TXLNB: variants seen among roughly 807,000 people sequenced by gnomAD.
TXLNB encodes taxilin beta.
TXLNB carries 37 observed loss-of-function variants against 57.4 expected under a neutral mutation model. That is an observed-to-expected ratio of 0.64 (90% CI 0.50 to 0.85). The LOEUF is 0.85. Among genes scored for constraint, TXLNB ranks in the 40% least tolerant of loss-of-function variants. The pLI is 0.00. For synonymous variants in TXLNB, 302 were observed against 309.6 expected (o/e 0.98, Z 0.26); for missense variants, 848 against 825.6 (o/e 1.03, Z -0.33).
chr6:139,230,653 G>T, the TXLNB span, among the ~76,000 whole-genome samples: 1 of 152,176 alleles, frequency 6.6e-6, no homozygotes. Context: ...CTTGCCTGGG[G>T]ATGGAGCTGT....
the TXLNB span, among the ~76,000 whole-genome samples, chr6:139,185,776 TA>T: frequency 2.0e-5 from 3 of 152,192 alleles, no homozygotes; most frequent in African/African-American, 7.2e-5. Flanking sequence ...AAATGCCATT[TA>T]AAAAAATGTC....
the TXLNB span, among the ~76,000 whole-genome samples, chr6:139,307,716 A>T: frequency 6.6e-6 from 1 of 152,148 alleles, no homozygotes; most frequent in African/African-American, 2.4e-5. Context: ...TGTTCAACAT[A>T]GTATTGGGTA....
intron 5 of TXLNB, among the ~76,000 whole-genome samples, chr6:139,260,991 T>C (rs970136369): frequency 2.0e-5 from 3 of 152,178 alleles, no homozygotes; most frequent in African/African-American, 7.2e-5. Context: ...ACTCTGTTGC[T>C]CTGGTGGAGA....
chr6:139,243,311 C>T lies in TXLNB; in HGVS notation c.1270G>A (p.Ala424Thr), dbSNP rs758846420. Residue 424 changes from alanine to threonine, a missense_variant, in exon 10 of 10, where the codon GCA (alanine) becomes ACA (threonine). By Grantham distance (58) the Ala-to-Thr change is moderately conservative. Coordinates refer to ENST00000358430, the MANE Select transcript of TXLNB (RefSeq NM_153235.4). ...CACTCATATTCTTTAGCTCTCAGTG[C>T]TTTCTGTGATGTGAAAACACACGCA... is the stretch of plus-strand genomic sequence containing the variant. ...KALLDMIEEK[A>T]LRAKEYECFV... The T allele has an allele frequency of 6.2e-7, 1 of 1,605,848 alleles. No homozygotes were observed. The highest frequency in any genetic ancestry group is 8.5e-7 in the Non-Finnish European group (1 of 1,178,344).
chr6:139,279,806 A>G (rs1226593537), intron 2 of TXLNB, among the ~76,000 whole-genome samples: 1 of 152,216 alleles, frequency 6.6e-6, no homozygotes, highest in African/African-American at 2.4e-5. Flanking sequence ...TTTCTTCCTC[A>G]TGAAAGCTAG....
chr6:139,169,519 A>G, the TXLNB span: 6 of 152,228 alleles, frequency 3.9e-5, no homozygotes, highest in Admixed American at 2.6e-4. Context: ...TTTCATTTTG[A>G]GAATTGTACC....
chr6:139,165,036 T>C, the TXLNB span, among the ~76,000 whole-genome samples: 11 of 152,186 alleles, frequency 7.2e-5, no homozygotes, highest in Non-Finnish European at 1.2e-4. Context: ...GCAACAACAT[T>C]AATGATCCTT....
At chr6:139,252,288 G>C (rs1236657895) in intron 7 of TXLNB, among the ~76,000 whole-genome samples, 1 of 152,168 alleles carries the variant, frequency 6.6e-6, no homozygotes, top group Non-Finnish European at 1.5e-5. Flanking sequence ...CCCTTTAAAG[G>C]CAGCGTAAAA....
At chr6:139,212,519 A>G in the TXLNB span, among the ~76,000 whole-genome samples, 1 of 152,236 alleles carries the variant, frequency 6.6e-6, no homozygotes, top group Admixed American at 6.5e-5. Context: ...AGCCACTGCA[A>G]AAACATGCCA....
At chr6:139,201,092 GC>G in the TXLNB span, among the ~76,000 whole-genome samples, 110 of 152,172 alleles carry the variant, frequency 7.2e-4, no homozygotes, top group African/African-American at 2.6e-3. Context: ...AGATAACCTT[GC>G]CTTTTACTTT....
At chr6:139,315,808 A>G in the TXLNB span, among the ~76,000 whole-genome samples, 1 of 152,206 alleles carries the variant, frequency 6.6e-6, no homozygotes, top group Non-Finnish European at 1.5e-5. Context: ...CAGCTTTTTA[A>G]AAAATCACAA....
the TXLNB span, among the ~76,000 whole-genome samples, chr6:139,217,724 C>T: frequency 6.6e-6 from 1 of 151,932 alleles, no homozygotes; most frequent in Admixed American, 6.6e-5. Context: ...AAAAAATTAG[C>T]CGGGCACGGT....
the TXLNB span, among the ~76,000 whole-genome samples, chr6:139,231,742 C>T: frequency 1.3e-5 from 2 of 152,058 alleles, no homozygotes; most frequent in African/African-American, 4.8e-5. Context: ...CTGAGGTTCT[C>T]ATCTTATAGG....
chr6:139,281,795 G>GC (rs1777059119), intron 2 of TXLNB, among the ~76,000 whole-genome samples: 2 of 115,154 alleles, frequency 1.7e-5, no homozygotes, highest in South Asian at 5.2e-4. Flanking sequence ...TGATCCGCCC[G>GC]CCTCGGCCTC....
At chr6:139,256,335 T>C (rs1416321708) in intron 6 of TXLNB, among the ~76,000 whole-genome samples, 1 of 152,096 alleles carries the variant, frequency 6.6e-6, no homozygotes, top group African/African-American at 2.4e-5. Context: ...TTCTTTTTTC[T>C]TTTTTTTCTT....
At chr6:139,235,945 T>C (rs1345209760), downstream of TXLNB, among the ~76,000 whole-genome samples, 1 of 152,028 alleles carries the variant, frequency 6.6e-6, no homozygotes, top group African/African-American at 2.4e-5. Context: ...CAAATGCTGG[T>C]AGGCCATCAA....
the TXLNB span, among the ~76,000 whole-genome samples, chr6:139,202,713 ATT>A: frequency 6.6e-6 from 1 of 152,248 alleles, no homozygotes; most frequent in Admixed American, 6.5e-5. Flanking sequence ...TGTTAGAAAC[ATT>A]CAAAATCATC....
At chr6:139,182,801 A>G in the TXLNB span, among the ~76,000 whole-genome samples, 1 of 152,208 alleles carries the variant, frequency 6.6e-6, no homozygotes, top group African/African-American at 2.4e-5. Flanking sequence ...TGGCATTGCT[A>G]AGCCTCAGAA....
At chr6:139,312,370 T>C in the TXLNB span, among the ~76,000 whole-genome samples, 1 of 152,168 alleles carries the variant, frequency 6.6e-6, no homozygotes, top group Non-Finnish European at 1.5e-5. Flanking sequence ...AAAAAAATAA[T>C]TTCTGTTAGT....
Sources: allele counts gnomAD v4.1 joint callset (sites outside exome capture counted in the v4.1 genomes callset), GRCh38; gene constraint gnomAD v4.1.1; transcripts MANE v1.5; gene names NCBI Gene and HGNC (gene_info 2026-07-23, HGNC 2026-07-21).